Variants in OSBPL10 observed in about 807,000 individuals in gnomAD.
The protein encoded by OSBPL10 is oxysterol binding protein like 10.
OSBPL10 carries 49 observed loss-of-function variants against 81.7 expected under a neutral mutation model. The observed-to-expected ratio is 0.60, with a 90% CI of 0.48 to 0.76. OSBPL10 has a LOEUF of 0.76. OSBPL10 is among the 30% of genes least tolerant of loss of function. OSBPL10 has a pLI of 0.00. For missense variants in OSBPL10, 923 were observed against 987.8 expected (o/e 0.93, Z 0.88); for synonymous variants, 419 against 383.6 (o/e 1.09, Z -1.08).
intron 4 of OSBPL10, among the ~76,000 whole-genome samples, chr3:31,751,143 C>A (rs1022138079): frequency 6.6e-6 from 1 of 151,192 alleles, no homozygotes; most frequent in Non-Finnish European, 1.5e-5. Flanking sequence ...ACATCCCTAC[C>A]AAAAAAAACA....
intron 1 of OSBPL10, chr3:32,066,552 CCCT>C (rs1418358899): frequency 6.6e-6 from 1 of 152,214 alleles, no homozygotes; most frequent in African/African-American, 2.4e-5. Flanking sequence ...TAGAAACTTG[CCCT>C]CCTCCTGCAA....
At chr3:31,921,337 A>G (rs1343106133) in intron 1 of OSBPL10, among the ~76,000 whole-genome samples, 1 of 152,176 alleles carries the variant, frequency 6.6e-6, no homozygotes, top group Non-Finnish European at 1.5e-5. Context: ...CCATTCTCCA[A>G]TAAAAGGAGT....
intron 1 of OSBPL10, among the ~76,000 whole-genome samples, chr3:31,953,141 G>C (rs1697917370): frequency 1.3e-5 from 2 of 151,542 alleles, no homozygotes; most frequent in South Asian, 4.2e-4. Flanking sequence ...CACCATCTTG[G>C]CCAGGCTGGT....
Position 31,968,513 on chromosome 3 carries a change from A to G in OSBPL10, c.281+12386T>C, listed in dbSNP as rs1425335894. 1.9e-4 allele frequency among the ~76,000 whole-genome samples: 11 copies of G among 58,698 alleles called. No homozygotes were observed. In the African/African-American group the frequency reaches 2.1e-3, roughly 11 times the overall value. 38.5% of individuals were successfully genotyped at this position (58,698 alleles called of 152,430 possible). A position where few individuals can be genotyped will look rare whatever the true frequency, so the allele number is the denominator to read the frequency against. On this transcript the variant is annotated intron_variant, in intron 1 of 11. Transcript: ENST00000396556. ...TGCTTTGCTTCTATTTTGAAGGGGAAAAAAAAAAAAAAAACACTTTACCCA... is the reference window on the plus strand; with the variant it reads ...TGCTTTGCTTCTATTTTGAAGGGGAGAAAAAAAAAAAAAACACTTTACCCA...
intron 1 of OSBPL10, among the ~76,000 whole-genome samples, chr3:32,062,977 G>C (rs12496540): frequency 0.53 from 49,237 of 92,596 alleles, 21,148 homozygotes; most frequent in East Asian, 1. Flanking sequence ...TCCTGATATT[G>C]TCATGTATCT....
Position 31,760,181 on chromosome 3 carries a change from G to A in OSBPL10, c.730-12061C>T, listed in dbSNP as rs144636729. On this transcript the variant is annotated intron_variant, in intron 4 of 11. Coordinates refer to ENST00000396556, the MANE Select transcript of OSBPL10 (RefSeq NM_017784.5). ...TCACATTGAGTAGGCTGAGGAGGAG[G>A]AGAATAGGAGGGGTTGGTCTTGCTG... is the stretch of plus-strand genomic sequence containing the variant. Among the ~76,000 whole-genome samples, 271 of 152,330 alleles carry A rather than the reference G, an allele frequency of 1.8e-3. 2 individuals carry two copies. The highest frequency in any genetic ancestry group is 6.3e-3 in the African/African-American group (263 of 41,586).
rs141893710 is a variant in OSBPL10 at position 31,955,923 on chromosome 3, A to ATTCC, written c.281+24972_281+24975dup. 0.015 allele frequency among the ~76,000 whole-genome samples: 2,232 copies of ATTCC among 152,268 alleles called. 159 individuals carry two copies. The East Asian group carries it at 0.22, about 15-fold the overall frequency. ...GGTCAGATGGTGACAAGTGTATTTGATTCCTTGGAGCAGTTATAGCAGATG... is the reference window on the plus strand; with the variant it reads ...GGTCAGATGGTGACAAGTGTATTTGATTCCTTCCTTGGAGCAGTTATAGCAGATG... On this transcript the variant is annotated intron_variant, in intron 1 of 11. Coordinates refer to ENST00000396556, the MANE Select transcript of OSBPL10 (RefSeq NM_017784.5).
rs942863837 is a variant in OSBPL10, at chr3:32,062,074, G to A, written n.185+15322C>T. On this transcript the variant is annotated intron_variant and non_coding_transcript_variant, in intron 1 of 3. Coordinates refer to the OSBPL10 transcript ENST00000479173. ...TTTATAAGGTTCTCTTTAATCTATGGTATGGTTTATTGGTTTTTTGTTGTT... is the reference window on the plus strand; with the variant it reads ...TTTATAAGGTTCTCTTTAATCTATGATATGGTTTATTGGTTTTTTGTTGTT... Among the ~76,000 whole-genome samples the A allele has an allele frequency of 3.7e-5, 2 of 53,746 alleles. 1 individual carries two copies. The highest frequency in any genetic ancestry group is 1.3e-4 in the Non-Finnish European group (2 of 15,872). 35.3% of individuals were successfully genotyped at this position (53,746 alleles called of 152,430 possible).
chr3:31,780,368 T>G (rs1279208910), intron 4 of OSBPL10, among the ~76,000 whole-genome samples: 2 of 151,462 alleles, frequency 1.3e-5, no homozygotes, highest in Admixed American at 1.3e-4. Context: ...ATTGGAAAAT[T>G]TGAAAGAGCA....
At chr3:31,952,274 G>A (rs973737697) in intron 1 of OSBPL10, among the ~76,000 whole-genome samples, 2 of 151,774 alleles carry the variant, frequency 1.3e-5, no homozygotes, top group Non-Finnish European at 2.9e-5. Flanking sequence ...CTATTCAAGT[G>A]ATAAATTCAT....
intron 2 of OSBPL10, among the ~76,000 whole-genome samples, chr3:31,998,724 CT>C (rs1393694232): frequency 1.3e-5 from 2 of 152,328 alleles, no homozygotes; most frequent in African/African-American, 4.8e-5. Context: ...CGCCCTTTCC[CT>C]TTCTAGCTGT....
chr3:31,946,135 C>T (rs1331945929), intron 1 of OSBPL10, among the ~76,000 whole-genome samples: 13 of 152,032 alleles, frequency 8.6e-5, no homozygotes, highest in Non-Finnish European at 1.9e-4. Flanking sequence ...CACGTGCCAC[C>T]ATGCCCGGCT....
At chr3:31,918,536 G>C (rs1439413651) in intron 1 of OSBPL10, among the ~76,000 whole-genome samples, 1 of 152,056 alleles carries the variant, frequency 6.6e-6, no homozygotes, top group East Asian at 1.9e-4. Flanking sequence ...GAAAGGAAAA[G>C]GGTTAATGAG....
At chr3:31,980,579 C>T (rs887034313) in intron 1 of OSBPL10, among the ~76,000 whole-genome samples, 4 of 152,226 alleles carry the variant, frequency 2.6e-5, no homozygotes, top group African/African-American at 9.6e-5. Context: ...CGCGGACAAG[C>T]AGAGCACGGG....
intron 7 of OSBPL10, among the ~76,000 whole-genome samples, chr3:31,689,259 G>T (rs1700880688): frequency 1.3e-5 from 2 of 152,118 alleles, no homozygotes; most frequent in Admixed American, 1.3e-4. Context: ...GGAGACTAGA[G>T]ACATCATAAT....
chr3:31,744,561 GAAAGA>G (rs1210169399), intron 5 of OSBPL10, among the ~76,000 whole-genome samples: 1 of 98,598 alleles, frequency 1.0e-5, no homozygotes, highest in Non-Finnish European at 2.2e-5. Flanking sequence ...AGGAAAGAAA[GAAAGA>G]AAAGAAGGAG....
chr3:31,688,888 G>T (rs1486324563), intron 7 of OSBPL10, among the ~76,000 whole-genome samples: 2 of 152,154 alleles, frequency 1.3e-5, no homozygotes, highest in Non-Finnish European at 2.9e-5. Flanking sequence ...AACCCGGTCT[G>T]CCCCACACTC....
At chr3:31,925,563 A>C (rs890628010) in intron 1 of OSBPL10, among the ~76,000 whole-genome samples, 1 of 151,678 alleles carries the variant, frequency 6.6e-6, no homozygotes, top group Admixed American at 6.6e-5. Flanking sequence ...CTGTAATCCC[A>C]GTACTTTGGG....
chr3:31,898,036 A>AC (rs1696115151), intron 1 of OSBPL10, among the ~76,000 whole-genome samples: 1 of 101,724 alleles, frequency 9.8e-6, no homozygotes, highest in Non-Finnish European at 1.9e-5. Flanking sequence ...AAAAAAAAAA[A>AC]ACAGAAGAAG....
Sources: gnomAD v4.1 joint callset for allele counts (sites outside exome capture counted in the v4.1 genomes callset) on GRCh38, gnomAD v4.1.1 for gene constraint, MANE v1.5 for transcripts, NCBI Gene and HGNC (gene_info 2026-07-23, HGNC 2026-07-21) for gene names.